IGF2R: variants seen among roughly 807,000 people sequenced by gnomAD.
IGF2R encodes the protein insulin like growth factor 2 receptor.
A neutral mutation model predicts 270.6 loss-of-function variants in IGF2R; 91 were observed. That is an observed-to-expected ratio of 0.34 (90% CI 0.28 to 0.40). The LOEUF is 0.40. Ranked by LOEUF, IGF2R falls within the 10% of genes least tolerant of loss-of-function variation. The pLI is 1.00. For missense variants in IGF2R, 2,805 were observed against 3,188.3 expected, an observed-to-expected ratio of 0.88 and a Z score of 2.90; for synonymous variants, 1,316 against 1,258.9, an observed-to-expected ratio of 1.05 and a Z score of -0.96.
chr6:159,980,106 G>A lies in IGF2R; in HGVS notation c.149+10711G>A, dbSNP rs371152465. Among the ~76,000 whole-genome samples the A allele has an allele frequency of 3.4e-3, 521 of 151,982 alleles. 3 individuals are homozygous for A. Among genetic ancestry groups the A allele is most frequent in the African/African-American group, 0.012 (497 of 41,442 alleles). On this transcript the variant is annotated intron_variant, in intron 1 of 47. Coordinates refer to ENST00000356956, the MANE Select transcript of IGF2R (RefSeq NM_000876.4). ...TGTGGCAGGAGAATGGTGTGAACCC[G>A]GGAGGCGGAGCTTGCAGTGAGCTGA...
chr6:160,100,716 C>T, intron 45 of IGF2R, among the ~76,000 whole-genome samples: 1 of 94,714 alleles, frequency 1.1e-5, no homozygotes, highest in Non-Finnish European at 2.1e-5. Flanking sequence ...GGCAAGTCAG[C>T]AATTTCCCTT....
At chr6:160,046,353 G>A in intron 14 of IGF2R, 145 bp from the exon 15 acceptor site, 4 of 694,958 alleles carry the variant, frequency 5.8e-6, no homozygotes, top group Non-Finnish European at 9.3e-6. Flanking sequence ...GCCTCAAGGG[G>A]CAGCGTCTCT....
At chr6:160,013,379 A>G (rs1562343394) in intron 4 of IGF2R, among the ~76,000 whole-genome samples, 1 of 150,414 alleles carries the variant, frequency 6.6e-6, no homozygotes. Flanking sequence ...GACCTGCAAA[A>G]CCCAAAATGT....
At chr6:160,058,210 A>C in intron 21 of IGF2R, 86 bp downstream of exon 21, 1 of 856,046 alleles carries the variant, frequency 1.2e-6, no homozygotes. Context: ...GTGATATGAG[A>C]GAATTGCCCA....
chr6:160,028,181 T>G (rs899871478), intron 6 of IGF2R, among the ~76,000 whole-genome samples: 12 of 152,174 alleles, frequency 7.9e-5, no homozygotes, highest in African/African-American at 2.7e-4. Flanking sequence ...CGGGGCTGGT[T>G]TGTTCTGAGG....
chr6:160,076,043 G>T, intron 36 of IGF2R, 47 bp downstream of exon 36: 1 of 1,593,488 alleles, frequency 6.3e-7, no homozygotes. Flanking sequence ...GCGGGTTAGT[G>T]AGCCAAGGCT....
rs780301041 is a variant in IGF2R, at chr6:160,073,830, A to G, written c.5021A>G (p.Glu1674Gly). The G allele has an allele frequency of 6.2e-7, 1 of 1,614,046 alleles. No homozygotes were observed. The highest frequency in any genetic ancestry group is 8.5e-7 in the Non-Finnish European group (1 of 1,179,938). ...CTTATTCATCGCACTGGTGGTTATGAGGCTTATGATGAGAGTGAGGATGAT... is the reference window on the plus strand; with the variant it reads ...CTTATTCATCGCACTGGTGGTTATGGGGCTTATGATGAGAGTGAGGATGAT... ...SPLIHRTGGY[E>G]AYDESEDDAS... The change falls in exon 35 of 48, where the codon GAG becomes GGG. Residue 1674 changes from glutamate (E) to glycine (G), a missense_variant. Transcript: ENST00000356956.
At chr6:160,046,921 A>T (rs1467531644) in intron 15 of IGF2R, among the ~76,000 whole-genome samples, 2 of 152,180 alleles carry the variant, frequency 1.3e-5, no homozygotes, top group Non-Finnish European at 2.9e-5. Context: ...GTATTTCTGC[A>T]TTCTGCGTAA....
chr6:160,054,585 G>A (rs938111405), intron 19 of IGF2R, among the ~76,000 whole-genome samples: 1 of 152,156 alleles, frequency 6.6e-6, no homozygotes. Flanking sequence ...AAAGCCTAGT[G>A]GTTAACGAGG....
chr6:160,027,120 CTAAGGGTACG>C, intron 5 of IGF2R, 55 bp from the exon 6 acceptor site: 1 of 1,573,162 alleles, frequency 6.4e-7, no homozygotes, highest in Non-Finnish European at 8.7e-7. Flanking sequence ...GACCCTGGGT[CTAAGGGTACG>C]TGTGATTATC....
chr6:160,024,698 G>T lies in IGF2R; in HGVS notation c.640G>T (p.Asp214Tyr). ...DTSLFINVCRDIDTLRDPGSQ... is the reference protein window; with the variant it reads ...DTSLFINVCRYIDTLRDPGSQ... The stretch of plus-strand genomic sequence containing the variant: ...TTCTCTATTCATCAATGTTTGTAGA[G>T]ACATAGGTATGAATCTTTGTGGGGC... The change falls in exon 5 of 48, where the codon GAC (aspartate) becomes TAC (tyrosine). Residue 214 changes from aspartate to tyrosine, a missense_variant. Transcript: ENST00000356956. 1.3e-5 allele frequency: 21 copies of T among 1,614,096 alleles called. No individual in the cohort carries two copies. The highest frequency in any genetic ancestry group is 1.8e-5 in the Non-Finnish European group (21 of 1,179,968).
intron 1 of IGF2R, among the ~76,000 whole-genome samples, chr6:159,986,325 G>A (rs373873563): frequency 3.0e-4 from 45 of 150,584 alleles, no homozygotes; most frequent in African/African-American, 1.1e-3. Flanking sequence ...TCCACCTCCT[G>A]GATTCAAGCT....
intron 1 of IGF2R, among the ~76,000 whole-genome samples, chr6:159,980,240 GT>G (rs1783777241): frequency 2.8e-5 from 3 of 106,764 alleles, no homozygotes; most frequent in South Asian, 3.1e-4. Context: ...AGAAAGAAAG[GT>G]ACATGGAAGA....
chr6:159,988,576 C>T (rs1162012829), intron 1 of IGF2R, among the ~76,000 whole-genome samples: 5 of 144,782 alleles, frequency 3.5e-5, no homozygotes, highest in African/African-American at 1.3e-4. Flanking sequence ...ATCTCTTTAG[C>T]GTTGATTCCT....
chr6:160,006,798 T>A (rs1583255326), intron 2 of IGF2R: 1 of 152,228 alleles, frequency 6.6e-6, no homozygotes, highest in Admixed American at 6.5e-5. Flanking sequence ...TTTTGTATAA[T>A]GTAGCGAGCA....
chr6:160,078,503 C>T (rs1322164577), intron 37 of IGF2R, 141 bp downstream of exon 37: 15 of 765,532 alleles, frequency 2.0e-5, no homozygotes, highest in Non-Finnish European at 2.6e-5. Context: ...TTGGTGCTCT[C>T]GTAGGGCATG....
At chr6:159,972,123 T>A (rs974204903) in intron 1 of IGF2R, among the ~76,000 whole-genome samples, 1 of 152,200 alleles carries the variant, frequency 6.6e-6, no homozygotes. Flanking sequence ...ATTTTTTTTT[T>A]AATTTGATAC....
At chr6:160,054,977 G>A (rs1381529711) in intron 19 of IGF2R, among the ~76,000 whole-genome samples, 1 of 152,072 alleles carries the variant, frequency 6.6e-6, no homozygotes, top group Non-Finnish European at 1.5e-5. Flanking sequence ...TTTGTCATTG[G>A]CTAACACTCT....
chr6:160,073,192 C>T (rs778985451), intron 33 of IGF2R, 21 bp from the exon 34 acceptor site: 20 of 1,606,530 alleles, frequency 1.2e-5, no homozygotes, highest in East Asian at 4.5e-5. Flanking sequence ...GTGTTTTCTC[C>T]GCCTTTCCCT....
Sources: allele counts gnomAD v4.1 joint callset (sites outside exome capture counted in the v4.1 genomes callset), GRCh38; gene constraint gnomAD v4.1.1; transcripts MANE v1.5; gene names NCBI Gene and HGNC (gene_info 2026-07-23, HGNC 2026-07-21).